Variants in CDKN2B-AS1 observed in about 807,000 individuals in gnomAD.
CDKN2B-AS1 encodes the protein CDKN2B antisense RNA 1 (non-protein coding).
chr9:22,068,269 G>A lies in CDKN2B-AS1; in HGVS notation n.438+11882G>A, dbSNP rs147428408. On this transcript the variant is annotated intron_variant and non_coding_transcript_variant, in intron 4 of 4. Coordinates refer to ENST00000650946, the Ensembl canonical transcript of CDKN2B-AS1. ...GACAGAAAAGTTGCTGGACCTCAAGGACTTTACAATCAATCTGGGAAGGCA... is the reference window on the plus strand; with the variant it reads ...GACAGAAAAGTTGCTGGACCTCAAGAACTTTACAATCAATCTGGGAAGGCA... Among the ~76,000 whole-genome samples the A allele has an allele frequency of 6.6e-5, 10 of 152,232 alleles. No individual in the cohort carries two copies. The East Asian group carries it at 1.7e-3, about 26-fold the overall frequency.
At chr9:22,112,335 A>G (rs1047373727) in intron 4 of CDKN2B-AS1, 2 of 152,208 alleles carry the variant, frequency 1.3e-5, no homozygotes, top group Non-Finnish European at 2.9e-5. Context: ...CTTCTCTCAC[A>G]TGGCAAGAAA....
chr9:22,079,704 AC>A (rs1487824708), intron 4 of CDKN2B-AS1, among the ~76,000 whole-genome samples: 11 of 151,214 alleles, frequency 7.3e-5, no homozygotes, highest in African/African-American at 2.5e-4. Flanking sequence ...TCAGAATAGG[AC>A]TTTACTCCAG....
At chr9:22,116,842 C>T (rs996822909) in intron 4 of CDKN2B-AS1, among the ~76,000 whole-genome samples, 1 of 152,156 alleles carries the variant, frequency 6.6e-6, no homozygotes, top group Non-Finnish European at 1.5e-5. Context: ...TCATAACTGT[C>T]CAGATGTAAC....
At chr9:22,091,478 T>C (rs1191307779) in intron 4 of CDKN2B-AS1, among the ~76,000 whole-genome samples, 5 of 152,212 alleles carry the variant, frequency 3.3e-5, no homozygotes, top group Admixed American at 1.3e-4. Context: ...GTTCTTCCAT[T>C]TGTTTGTATC....
At chr9:22,127,787 G>T (rs989525582) in exon 5 of CDKN2B-AS1, among the ~76,000 whole-genome samples, 1 of 152,184 alleles carries the variant, frequency 6.6e-6, no homozygotes, top group South Asian at 2.1e-4. Flanking sequence ...TCTAATTGTA[G>T]AACTCACTTC....
intron 4 of CDKN2B-AS1, among the ~76,000 whole-genome samples, chr9:22,106,795 T>C (rs1233168778): frequency 6.6e-6 from 1 of 152,188 alleles, no homozygotes; most frequent in East Asian, 1.9e-4. Context: ...CAAAAGTTAC[T>C]GAAAACTAAA....
chr9:22,067,648 A>G (rs1824114104), intron 4 of CDKN2B-AS1, among the ~76,000 whole-genome samples: 1 of 152,208 alleles, frequency 6.6e-6, no homozygotes, highest in African/African-American at 2.4e-5. Flanking sequence ...TTCAAAGTAT[A>G]CAGCCTACAG....
intron 4 of CDKN2B-AS1, among the ~76,000 whole-genome samples, chr9:22,076,340 A>G: frequency 6.6e-6 from 1 of 152,210 alleles, no homozygotes; most frequent in South Asian, 2.1e-4. Context: ...GGTGTGAGCC[A>G]CCACACCTGG....
chr9:22,004,444 T>C (rs1821069818), intron 1 of CDKN2B-AS1: 2 of 232,492 alleles, frequency 8.6e-6, no homozygotes, highest in African/African-American at 4.4e-5. Context: ...CTGGTATTGC[T>C]TATGAGCAAT....
At chr9:22,069,916 T>C (rs1397134351) in intron 4 of CDKN2B-AS1, among the ~76,000 whole-genome samples, 3 of 152,120 alleles carry the variant, frequency 2.0e-5, no homozygotes. Flanking sequence ...CAGACTGGAG[T>C]GCAGTGCACA....
intron 4 of CDKN2B-AS1, among the ~76,000 whole-genome samples, chr9:22,082,397 TC>T (rs1824730030): frequency 2.0e-5 from 3 of 152,222 alleles, no homozygotes; most frequent in Admixed American, 2.0e-4. Context: ...AAATGTTATT[TC>T]CTCCTTTTGT....
intron 1 of CDKN2B-AS1, among the ~76,000 whole-genome samples, chr9:22,028,451 G>A (rs1822329596): frequency 6.6e-6 from 1 of 151,774 alleles, no homozygotes; most frequent in African/African-American, 2.4e-5. Context: ...TACTAGCTAG[G>A]GTTTTAAACA....
chr9:22,081,678 C>G (rs1473544209), intron 4 of CDKN2B-AS1, among the ~76,000 whole-genome samples: 1 of 152,210 alleles, frequency 6.6e-6, no homozygotes, highest in Non-Finnish European at 1.5e-5. Context: ...TGATTAGACT[C>G]CAGCCTAGGA....
intron 4 of CDKN2B-AS1, chr9:22,077,626 G>C (rs1824547039): frequency 6.6e-6 from 1 of 151,880 alleles, no homozygotes; most frequent in South Asian, 2.1e-4. Flanking sequence ...CAGGAAAGAA[G>C]AAAAAAAATC....
At chr9:22,125,827 C>G (rs1818010556) in intron 4 of CDKN2B-AS1, among the ~76,000 whole-genome samples, 1 of 151,842 alleles carries the variant, frequency 6.6e-6, no homozygotes, top group Non-Finnish European at 1.5e-5. Flanking sequence ...TACAGTATAT[C>G]TAAAAAAAGA....
chr9:22,052,801 C>A (rs77384984), intron 3 of CDKN2B-AS1, among the ~76,000 whole-genome samples: 1 of 152,326 alleles, frequency 6.6e-6, no homozygotes, highest in African/African-American at 2.4e-5. Flanking sequence ...AATGAAGTGA[C>A]TAATCTTTTG....
intron 4 of CDKN2B-AS1, among the ~76,000 whole-genome samples, chr9:22,062,317 A>G (rs1823854443): frequency 6.6e-6 from 1 of 152,214 alleles, no homozygotes; most frequent in South Asian, 2.1e-4. Context: ...CTTTATGTAT[A>G]CAATTGAAGA....
rs376104829 is a variant in CDKN2B-AS1, at chr9:22,006,090, C to T, written n.29+10929C>T. ...ACCCCAGGCATCGCGCACGTCCAGC[C>T]GCGCCCCGGCCCGGTGCAGCACCAC... On this transcript the variant is annotated intron_variant and non_coding_transcript_variant, in intron 1 of 4. Coordinates refer to ENST00000650946, the Ensembl canonical transcript of CDKN2B-AS1. This position sits in a 1 kb window ranked among gnomAD's most constrained non-coding sequence, Gnocchi z 6.4. 4.4e-6 allele frequency: 7 copies of T among 1,608,062 alleles called. No homozygotes were observed. The highest frequency in any genetic ancestry group is 5.1e-6 in the Non-Finnish European group (6 of 1,179,714).
At position 21,997,456 on chromosome 9, in the gene CDKN2B-AS1, T is replaced by C. The variant is rs1233839123; in HGVS notation, n.29+2295T>C. Among the ~76,000 whole-genome samples the C allele has an allele frequency of 6.6e-6, 1 of 151,096 alleles. No homozygotes were observed. The highest frequency in any genetic ancestry group is 2.4e-5 in the African/African-American group (1 of 41,222). On this transcript the variant is annotated intron_variant and non_coding_transcript_variant, in intron 1 of 4. Coordinates refer to ENST00000650946, the Ensembl canonical transcript of CDKN2B-AS1. This position sits in a 1 kb window ranked among gnomAD's most constrained non-coding sequence, Gnocchi z 4.8. ...TACATTATATGTCTACACACACATA[T>C]GTGGGGGAGAGAAAGAGAGGGAGGG... is the stretch of plus-strand genomic sequence containing the variant.
Sources: gnomAD v4.1 joint callset for allele counts (sites outside exome capture counted in the v4.1 genomes callset) on GRCh38, gnomAD v4.1.1 for gene constraint, Gnocchi (gnomAD v3.1) non-coding constraint, MANE v1.5 for transcripts, NCBI Gene and HGNC (gene_info 2026-07-23, HGNC 2026-07-21) for gene names.